The following MNAT1 variants were observed in gnomAD, a reference collection of about 807,000 sequenced individuals.
MNAT1 encodes the protein CDK-activating kinase assembly factor MAT1.
MNAT1 carries 43 observed loss-of-function variants against 42.0 expected under a neutral mutation model. The ratio of observed to expected loss-of-function variants is 1.02; its 90% confidence interval spans 0.80 to 1.32. MNAT1 has a LOEUF of 1.32. Ranked by LOEUF, MNAT1 falls within the 40% of genes most tolerant of loss-of-function variation. The pLI, the probability that MNAT1 is intolerant of heterozygous loss-of-function variation, is 0.00. For synonymous variants in MNAT1, 118 were observed against 120.0 expected (o/e 0.98, Z 0.11); for missense variants, 306 against 350.4 (o/e 0.87, Z 1.01).
intron 1 of MNAT1, among the ~76,000 whole-genome samples, chr14:60,773,300 G>T (rs539466724): frequency 1.3e-5 from 2 of 152,200 alleles, no homozygotes; most frequent in South Asian, 4.1e-4. Context: ...AGTTGGAGTT[G>T]TTATGTTTGA....
In MNAT1 at chr14:60,968,470, A is replaced by C; in HGVS notation, c.*121A>C. 1 of 1,514,276 alleles carries C rather than the reference A, an allele frequency of 6.6e-7. No individual in the cohort carries two copies. The allele number at this position is 1,514,276 out of a possible 1,614,324, so 93.8% of individuals were successfully genotyped here. Reference sequence around the variant, plus strand: ...GTCCTTCCACTAGCAGCTGTGTTAAAGTATTTATAAGGAGAAAATTTCAGA... The same window carrying C: ...GTCCTTCCACTAGCAGCTGTGTTAACGTATTTATAAGGAGAAAATTTCAGA... On this transcript the variant is annotated 3_prime_UTR_variant, in exon 8 of 8. Transcript: ENST00000261245.
At chr14:60,806,757 G>A (rs551671124) in intron 3 of MNAT1, among the ~76,000 whole-genome samples, 2 of 152,182 alleles carry the variant, frequency 1.3e-5, no homozygotes, top group African/African-American at 4.8e-5. Context: ...AGATGTTGAG[G>A]ATGGTGAGAG....
intron 1 of MNAT1, chr14:60,780,081 G>T (rs1006022403): frequency 8.2e-6 from 12 of 1,461,364 alleles, no homozygotes; most frequent in African/African-American, 1.4e-5. Context: ...TTATATCAGC[G>T]TGGCATTTAT....
At chr14:60,804,698 TTTTAAAAG>T (rs2032313579) in intron 3 of MNAT1, among the ~76,000 whole-genome samples, 1 of 152,126 alleles carries the variant, frequency 6.6e-6, no homozygotes, top group African/African-American at 2.4e-5. Flanking sequence ...GTTAATTTAA[TTTTAAAAG>T]TTTTTAATTT....
At chr14:60,809,426 A>G (rs1429985540) in intron 4 of MNAT1, among the ~76,000 whole-genome samples, 1 of 152,090 alleles carries the variant, frequency 6.6e-6, no homozygotes, top group East Asian at 1.9e-4. Flanking sequence ...TTCTGAGAGC[A>G]TCAGTATGTC....
chr14:60,753,010 C>T (rs2030166899), intron 1 of MNAT1, among the ~76,000 whole-genome samples: 1 of 152,206 alleles, frequency 6.6e-6, no homozygotes, highest in East Asian at 1.9e-4. Flanking sequence ...GGTGACCCAC[C>T]CACCTTGGCC....
At chr14:60,746,710 A>G (rs1216910997) in intron 1 of MNAT1, among the ~76,000 whole-genome samples, 1 of 150,626 alleles carries the variant, frequency 6.6e-6, no homozygotes, top group East Asian at 1.9e-4. Flanking sequence ...TTGCTTGATC[A>G]AAAATGACTA....
At chr14:60,790,353 T>C (rs948983784) in intron 1 of MNAT1, among the ~76,000 whole-genome samples, 2 of 152,172 alleles carry the variant, frequency 1.3e-5, no homozygotes, top group African/African-American at 2.4e-5. Flanking sequence ...CTGAGACAAA[T>C]GAATCTCTGA....
At chr14:60,769,173 C>G (rs2030953497) in intron 1 of MNAT1, among the ~76,000 whole-genome samples, 1 of 151,746 alleles carries the variant, frequency 6.6e-6, no homozygotes, top group Admixed American at 6.6e-5. Context: ...TTTTTCTTTT[C>G]TTCATAGATT....
chr14:60,837,719 A>G (rs938814341), intron 6 of MNAT1, among the ~76,000 whole-genome samples: 3 of 152,286 alleles, frequency 2.0e-5, no homozygotes, highest in Non-Finnish European at 4.4e-5. Flanking sequence ...AGATGCTGCC[A>G]TGGTAGTTTG....
At chr14:60,893,390 ACTC>A (rs907037011) in intron 7 of MNAT1, among the ~76,000 whole-genome samples, 55 of 148,696 alleles carry the variant, frequency 3.7e-4, no homozygotes, top group African/African-American at 1.2e-3. Flanking sequence ...TATTTTCTTA[ACTC>A]CTCCTCTTAT....
intron 7 of MNAT1, among the ~76,000 whole-genome samples, chr14:60,888,269 C>T (rs1004594901): frequency 2.8e-4 from 43 of 151,486 alleles, no homozygotes; most frequent in Middle Eastern, 3.4e-3. Flanking sequence ...TGGGCTTCAT[C>T]CCTGGGATGC....
intron 6 of MNAT1, among the ~76,000 whole-genome samples, chr14:60,869,486 A>G (rs1465127566): frequency 2.0e-5 from 3 of 152,132 alleles, no homozygotes; most frequent in African/African-American, 7.2e-5. Context: ...AAAACAGACA[A>G]TTACACAGAG....
intron 6 of MNAT1, among the ~76,000 whole-genome samples, chr14:60,858,113 TG>T (rs1270538722): frequency 6.6e-6 from 1 of 152,212 alleles, no homozygotes. Context: ...CTGGGTCAAA[TG>T]GTATTTCTAG....
intron 1 of MNAT1, among the ~76,000 whole-genome samples, chr14:60,769,561 G>C (rs2030973396): frequency 6.6e-6 from 1 of 151,994 alleles, no homozygotes; most frequent in Non-Finnish European, 1.5e-5. Flanking sequence ...TGCGATTATA[G>C]GTGTGAGCCA....
Position 60,896,224 on chromosome 14 carries a change from G to A in MNAT1, c.809+16389G>A, listed in dbSNP as rs56107429. On this transcript the variant is annotated intron_variant, in intron 7 of 7. Coordinates refer to ENST00000261245, the MANE Select transcript of MNAT1 (RefSeq NM_002431.4). The stretch of plus-strand genomic sequence containing the variant: ...TGTGCTCAAAACAATACATAAACAT[G>A]TTTTATTCTGTGCCAGTGGGAGCAA... Among the ~76,000 whole-genome samples, 217 of 152,202 alleles carry A rather than the reference G, an allele frequency of 1.4e-3. 1 individual carries two copies. The highest frequency in any genetic ancestry group is 1.8e-3 in the Non-Finnish European group (125 of 68,004).
intron 1 of MNAT1, among the ~76,000 whole-genome samples, chr14:60,747,141 C>T (rs7151349): frequency 0.95 from 142,624 of 150,456 alleles, 67,873 homozygotes; most frequent in Non-Finnish European, 0.99. Context: ...CCCGCCACCA[C>T]GCCCGGCTAA....
rs147983039 is a variant in MNAT1, at chr14:60,957,902, A to C, written c.810-10327A>C. 4.1e-3 allele frequency among the ~76,000 whole-genome samples: 623 copies of C among 151,948 alleles called. 4 individuals are homozygous for C. Among genetic ancestry groups the C allele is most frequent in the Non-Finnish European group, 6.6e-3 (450 of 67,964 alleles). On this transcript the variant is annotated intron_variant, in intron 7 of 7. Coordinates refer to ENST00000261245, the MANE Select transcript of MNAT1 (RefSeq NM_002431.4). ...GCCCAGGGTAGAGTGCAGTGGCACG[A>C]TCTCAGCTCACTGCAGCCTCCGCCT... is the stretch of plus-strand genomic sequence containing the variant.
chr14:60,917,617 TTTTG>T (rs1343077651), intron 7 of MNAT1, among the ~76,000 whole-genome samples: 1 of 151,344 alleles, frequency 6.6e-6, no homozygotes, highest in African/African-American at 2.4e-5. Flanking sequence ...TTTGTTTTTT[TTTTG>T]TTTCTTTTTT....
Sources: allele counts gnomAD v4.1 joint callset (sites outside exome capture counted in the v4.1 genomes callset), GRCh38; gene constraint gnomAD v4.1.1; transcripts MANE v1.5; gene names NCBI Gene and HGNC (gene_info 2026-07-23, HGNC 2026-07-21).